Variants in HMX2 observed in about 807,000 individuals in gnomAD.
HMX2 encodes the protein homeobox protein HMX2.
Under a neutral mutation model 21.2 loss-of-function variants are expected in HMX2, and 15 were observed. The observed-to-expected ratio is 0.71, with a 90% CI of 0.47 to 1.09. The LOEUF (loss-of-function observed/expected upper bound fraction) is 1.09, where lower values mean the gene tolerates loss of function less well. Among genes scored for constraint, HMX2 ranks in the 50% least tolerant of loss-of-function variants. The pLI, the probability that HMX2 is intolerant of heterozygous loss-of-function variation, is 0.00. For missense variants in HMX2, 440 were observed against 381.5 expected (o/e 1.15, Z -1.28); for synonymous variants, 193 against 181.0 (o/e 1.07, Z -0.53).
Position 123,148,146 on chromosome 10 carries a change from C to T in HMX2, c.-233C>T, listed in dbSNP as rs540193259. 9.1e-6 allele frequency: 5 copies of T among 549,090 alleles called. No homozygotes were observed. In the South Asian group the frequency reaches 1.2e-4, roughly 13 times the overall value. The allele number at this position is 549,090 out of a possible 1,614,324, so 34.0% of individuals were successfully genotyped here. Reference sequence around the variant, plus strand: ...GCGGGCGAGGAAGGGGCATTTGCACCGGGGCTGGGCGGGCGCACCCAGAGC... The same window carrying T: ...GCGGGCGAGGAAGGGGCATTTGCACTGGGGCTGGGCGGGCGCACCCAGAGC... On this transcript the variant is annotated 5_prime_UTR_variant, in exon 1 of 2. Coordinates refer to ENST00000339992, the MANE Select transcript of HMX2 (RefSeq NM_005519.2).
At position 123,150,645 on chromosome 10, in the gene HMX2, G is replaced by T. The variant is rs200814632; in HGVS notation, c.*522G>T. The T allele has an allele frequency of 2.7e-5, 4 of 150,732 alleles. No individual in the cohort carries two copies. Among genetic ancestry groups the T allele is most frequent in the Non-Finnish European group, 4.4e-5 (3 of 67,710 alleles). 9.3% of individuals were successfully genotyped at this position (150,732 alleles called of 1,614,324 possible). ...TCAGATCTGTAAATATTTTTAAAAA[G>T]AAAAAAAAATAAAACATTTTAAACA... On this transcript the variant is annotated 3_prime_UTR_variant, in exon 2 of 2. Coordinates refer to ENST00000339992, the MANE Select transcript of HMX2 (RefSeq NM_005519.2). The surrounding 1 kb of genome is among the most constrained non-coding windows in gnomAD (Gnocchi z 4.2).
At position 123,148,489 on chromosome 10, in the gene HMX2, C is replaced by A. The variant is rs375117729; in HGVS notation, c.111C>A (p.Pro37=). 1.2e-6 allele frequency: 2 copies of A among 1,612,228 alleles called. No homozygotes were observed. Among genetic ancestry groups the A allele is most frequent in the Admixed American group, 3.3e-5 (2 of 59,858 alleles). ...GGGPSEAPRE[P]VGWPARKRSL... ...GCCCCTCGGAGGCACCGCGGGAGCC[C>A]GTCGGCTGGCCAGCCAGGAAGCGCA... is the stretch of plus-strand genomic sequence containing the variant. The change falls in exon 1 of 2, where the codon CCC becomes CCA. Residue 37 remains proline (P), a synonymous_variant. Transcript: ENST00000339992.
At chr10:123,148,775 G>T (rs1589683737) in intron 1 of HMX2, 129 bp downstream of exon 1, 3 of 1,190,622 alleles carry the variant, frequency 2.5e-6, no homozygotes, top group East Asian at 5.7e-5. Flanking sequence ...CGGGACCGCG[G>T]GGAGAGGGGC....
Position 123,149,806 on chromosome 10 carries a change from G to T in HMX2, c.505G>T (p.Asp169Tyr). The T allele has an allele frequency of 1.9e-6, 3 of 1,611,580 alleles. No homozygotes were observed. The highest frequency in any genetic ancestry group is 4.5e-5 in the East Asian group (2 of 44,782). The change falls in exon 2 of 2, where the codon GAC becomes TAC. Residue 169 changes from aspartate (D) to tyrosine (Y), a missense_variant. Asp to Tyr is a radical substitution (Grantham distance 160). Coordinates refer to ENST00000339992, the MANE Select transcript of HMX2 (RefSeq NM_005519.2). The surrounding 1 kb of genome is among the most constrained non-coding windows in gnomAD (Gnocchi z 5.4). ...SQVYQLESTF[D>Y]MKRYLSSSER... ...GGTGTACCAGCTCGAGTCCACCTTC[G>T]ACATGAAGCGCTACCTGAGCAGCTC...
At position 123,149,595 on chromosome 10, in the gene HMX2, G is replaced by A. The variant is rs771746221; in HGVS notation, c.294G>A (p.Ser98=). Reference sequence around the variant, plus strand: ...GTACCCCCAAGGGCAGCGGAGGCTCGGGCCCGGGCGGCTTGGAGCGCACGC... The same window carrying A: ...GTACCCCCAAGGGCAGCGGAGGCTCAGGCCCGGGCGGCTTGGAGCGCACGC... The part of the protein sequence containing the change: ...CLGTPKGSGG[S]GPGGLERTPF... Residue 98 remains serine (S), a synonymous_variant, in exon 2 of 2, where the codon TCG becomes TCA. Transcript: ENST00000339992. The surrounding 1 kb of genome is among the most constrained non-coding windows in gnomAD (Gnocchi z 5.4). 8.2e-6 allele frequency: 12 copies of A among 1,459,088 alleles called. No individual in the cohort carries two copies. In the Admixed American group the frequency reaches 2.2e-4, roughly 27 times the overall value. 90.4% of individuals were successfully genotyped at this position (1,459,088 alleles called of 1,614,324 possible).
chr10:123,148,416 C>A lies in HMX2; in HGVS notation c.38C>A (p.Ala13Glu), dbSNP rs765075323. 5 of 1,613,056 alleles carry A rather than the reference C, an allele frequency of 3.1e-6. No individual in the cohort carries two copies. The highest frequency in any genetic ancestry group is 1.7e-4 in the Middle Eastern group (1 of 6,054). The change falls in exon 1 of 2, where the codon GCG becomes GAG. Residue 13 changes from alanine (A) to glutamate (E), a missense_variant. Coordinates refer to ENST00000339992, the MANE Select transcript of HMX2 (RefSeq NM_005519.2). ...SKEDAGKGCP[A>E]AGGVSSFTIQ... is the part of the protein sequence containing the mutation. ...GAAGATGCGGGCAAGGGGTGTCCGG[C>A]GGCCGGTGGCGTCTCCAGCTTCACC...
At position 123,149,558 on chromosome 10, in the gene HMX2, C is replaced by T. The variant is rs1844244414; in HGVS notation, c.269-12C>T. The T allele has an allele frequency of 7.0e-7, 1 of 1,433,028 alleles. No individual in the cohort carries two copies. Among genetic ancestry groups the T allele is most frequent in the Non-Finnish European group, 9.1e-7 (1 of 1,094,584 alleles). 88.8% of individuals were successfully genotyped at this position (1,433,028 alleles called of 1,614,324 possible). On this transcript the variant is annotated splice_polypyrimidine_tract_variant and intron_variant, in intron 1 of 1. Coordinates refer to ENST00000339992, the MANE Select transcript of HMX2 (RefSeq NM_005519.2). This position sits in a 1 kb window ranked among gnomAD's most constrained non-coding sequence, Gnocchi z 5.4. Reference sequence around the variant, plus strand: ...CAACTCCATGGCCTTTCTGTCTGTTCTCGCTCCTCAGGTACCCCCAAGGGC... The same window carrying T: ...CAACTCCATGGCCTTTCTGTCTGTTTTCGCTCCTCAGGTACCCCCAAGGGC...
chr10:123,149,270 G>A lies in HMX2; in HGVS notation c.269-300G>A, dbSNP rs576335226. Among the ~76,000 whole-genome samples the A allele has an allele frequency of 1.5e-4, 23 of 152,236 alleles. No individual in the cohort carries two copies. Among genetic ancestry groups the A allele is most frequent in the Middle Eastern group, 3.4e-3 (1 of 294 alleles). On this transcript the variant is annotated intron_variant, in intron 1 of 1. Coordinates refer to ENST00000339992, the MANE Select transcript of HMX2 (RefSeq NM_005519.2). This position sits in a 1 kb window ranked among gnomAD's most constrained non-coding sequence, Gnocchi z 5.4. ...AGCTCAATTACCACCAAGCAAATTC[G>A]CCTTTTAAAACCATGCTAATGTTTC...
Position 123,148,179 on chromosome 10 carries a change from G to A in HMX2, c.-200G>A, listed in dbSNP as rs1053501648. ...GGCGGGCGCACCCAGAGCCAGGCGGGCAGGAACCCCTGCGCAGCCATCCGG... is the reference window on the plus strand; with the variant it reads ...GGCGGGCGCACCCAGAGCCAGGCGGACAGGAACCCCTGCGCAGCCATCCGG... On this transcript the variant is annotated 5_prime_UTR_variant, in exon 1 of 2. Transcript: ENST00000339992. 2 of 588,394 alleles carry A rather than the reference G, an allele frequency of 3.4e-6. No homozygotes were observed. The highest frequency in any genetic ancestry group is 5.8e-6 in the Non-Finnish European group (2 of 342,654). 36.4% of individuals were successfully genotyped at this position (588,394 alleles called of 1,614,324 possible).
intron 1 of HMX2, 31 bp downstream of exon 1, chr10:123,148,677 G>C: frequency 1.3e-6 from 2 of 1,588,054 alleles, no homozygotes; most frequent in Non-Finnish European, 1.7e-6. Flanking sequence ...GTGTGGCAGC[G>C]AGCGAGCGCG....
chr10:123,148,347 C>A lies in HMX2; in HGVS notation c.-32C>A, dbSNP rs752125166. 1.8e-5 allele frequency: 28 copies of A among 1,592,630 alleles called. No individual in the cohort carries two copies. Among genetic ancestry groups the A allele is most frequent in the Non-Finnish European group, 2.4e-5 (28 of 1,167,790 alleles). On this transcript the variant is annotated 5_prime_UTR_variant, in exon 1 of 2. Transcript: ENST00000339992. ...ACCCAGATCGTCTCTAAAGGGAGTT[C>A]TTGGTTTCCTTCGATTTCTTATGAA... is the stretch of plus-strand genomic sequence containing the variant.
In HMX2 at chr10:123,148,205, T is replaced by C. The variant is rs1241361718; in HGVS notation, c.-174T>C. Reference sequence around the variant, plus strand: ...CAGGAACCCCTGCGCAGCCATCCGGTGCCTGCATGTCCCTGGCGCGGAAGG... The same window carrying C: ...CAGGAACCCCTGCGCAGCCATCCGGCGCCTGCATGTCCCTGGCGCGGAAGG... On this transcript the variant is annotated 5_prime_UTR_variant, in exon 1 of 2. Coordinates refer to ENST00000339992, the MANE Select transcript of HMX2 (RefSeq NM_005519.2). The C allele has an allele frequency of 1.5e-6, 1 of 672,344 alleles. No individual in the cohort carries two copies. The highest frequency in any genetic ancestry group is 2.5e-6 in the Non-Finnish European group (1 of 400,046). The allele number at this position is 672,344 out of a possible 1,614,324, so 41.6% of individuals were successfully genotyped here. A position where few individuals can be genotyped will look rare whatever the true frequency, so the allele number is the denominator to read the frequency against.
chr10:123,149,498 C>A lies in HMX2; in HGVS notation c.269-72C>A. ...GCAGGCGCTTGCCAACCGCTTGGTC[C>A]CAGGGAGAGCTGGCGGTCTCCGAGG... On this transcript the variant is annotated intron_variant, in intron 1 of 1. Transcript: ENST00000339992. The surrounding 1 kb of genome is among the most constrained non-coding windows in gnomAD (Gnocchi z 5.4). 7.6e-7 allele frequency: 1 copy of A among 1,319,182 alleles called. No homozygotes were observed. Among genetic ancestry groups the A allele is most frequent in the Non-Finnish European group, 1.0e-6 (1 of 1,004,584 alleles). The allele number at this position is 1,319,182 out of a possible 1,614,324, so 81.7% of individuals were successfully genotyped here.
Position 123,148,447 on chromosome 10 carries a change from G to A in HMX2, c.69G>A (p.Gln23=). 2 of 1,613,486 alleles carry A rather than the reference G, an allele frequency of 1.2e-6. No individual in the cohort carries two copies. The highest frequency in any genetic ancestry group is 2.7e-5 in the African/African-American group (2 of 75,004). The change falls in exon 1 of 2, where the codon CAG becomes CAA. Residue 23 remains glutamine, a synonymous_variant. Transcript: ENST00000339992. ...AAGGVSSFTI[Q]SILGGGPSEA... Reference sequence around the variant, plus strand: ...GTGGCGTCTCCAGCTTCACCATCCAGTCCATCCTGGGCGGGGGCCCCTCGG... The same window carrying A: ...GTGGCGTCTCCAGCTTCACCATCCAATCCATCCTGGGCGGGGGCCCCTCGG...
Position 123,149,955 on chromosome 10 carries a change from G to A in HMX2, c.654G>A (p.Ala218=), listed in dbSNP as rs1434855098. 6.2e-7 allele frequency: 1 copy of A among 1,611,836 alleles called. No individual in the cohort carries two copies. Residue 218 remains alanine (A), a synonymous_variant, in exon 2 of 2, where the codon GCG becomes GCA. Transcript: ENST00000339992. This position sits in a 1 kb window ranked among gnomAD's most constrained non-coding sequence, Gnocchi z 5.4. ...CTGAGCTGGAGGCGGCCAACATGGC[G>A]CACGCGTCGGCGCAGACTCTGGTGA... ...LSAELEAANM[A]HASAQTLVSM...
Position 123,149,558 on chromosome 10 carries a change from C to A in HMX2, c.269-12C>A. 2.8e-6 allele frequency: 4 copies of A among 1,433,028 alleles called. No homozygotes were observed. The highest frequency in any genetic ancestry group is 1.5e-5 in the African/African-American group (1 of 67,012). 88.8% of individuals were successfully genotyped at this position (1,433,028 alleles called of 1,614,324 possible). A position where few individuals can be genotyped will look rare whatever the true frequency, so the allele number is the denominator to read the frequency against. ...CAACTCCATGGCCTTTCTGTCTGTT[C>A]TCGCTCCTCAGGTACCCCCAAGGGC... On this transcript the variant is annotated splice_polypyrimidine_tract_variant and intron_variant, in intron 1 of 1. Transcript: ENST00000339992. The surrounding 1 kb of genome is among the most constrained non-coding windows in gnomAD (Gnocchi z 5.4).
rs768662442 is a variant in HMX2 at position 123,150,053 on chromosome 10, C to T, written c.752C>T (p.Pro251Leu). The T allele has an allele frequency of 1.2e-6, 2 of 1,602,882 alleles. No individual in the cohort carries two copies. The highest frequency in any genetic ancestry group is 2.2e-5 in the East Asian group (1 of 44,518). Residue 251 changes from proline to leucine, a missense_variant, in exon 2 of 2, where the codon CCG becomes CTG. Coordinates refer to ENST00000339992, the MANE Select transcript of HMX2 (RefSeq NM_005519.2). This position sits in a 1 kb window ranked among gnomAD's most constrained non-coding sequence, Gnocchi z 4.2. ...PVPRSLAFPAPLYYPGSNLSA... is the reference protein window; with the variant it reads ...PVPRSLAFPALLYYPGSNLSA... ...CCGCGCTCGCTCGCCTTTCCCGCGC[C>T]GCTCTACTACCCGGGAAGCAACCTC... is the stretch of plus-strand genomic sequence containing the variant.
In HMX2 at chr10:123,149,717, G is replaced by T; in HGVS notation, c.416G>T (p.Gly139Val). The change falls in exon 2 of 2, where the codon GGC (glycine) becomes GTC (valine). Residue 139 changes from glycine to valine, a missense_variant. Physicochemically the swap from Gly to Val is moderately radical, Grantham distance 109. Coordinates refer to ENST00000339992, the MANE Select transcript of HMX2 (RefSeq NM_005519.2). The surrounding 1 kb of genome is among the most constrained non-coding windows in gnomAD (Gnocchi z 5.4). ...PSPGSERPRDGGAERQAGAAK... is the reference protein window; with the variant it reads ...PSPGSERPRDVGAERQAGAAK... ...CCGGGGTCCGAGCGGCCGCGGGACGGCGGCGCTGAGCGGCAGGCCGGCGCG... is the reference window on the plus strand; with the variant it reads ...CCGGGGTCCGAGCGGCCGCGGGACGTCGGCGCTGAGCGGCAGGCCGGCGCG... The T allele has an allele frequency of 1.3e-6, 2 of 1,542,636 alleles. No individual in the cohort carries two copies. Among genetic ancestry groups the T allele is most frequent in the Non-Finnish European group, 1.7e-6 (2 of 1,149,944 alleles).
rs1412431469 is a variant in HMX2 at position 123,149,223 on chromosome 10, A to G, written c.269-347A>G. 1.3e-5 allele frequency among the ~76,000 whole-genome samples: 2 copies of G among 152,282 alleles called. No individual in the cohort carries two copies. The highest frequency in any genetic ancestry group is 2.9e-5 in the Non-Finnish European group (2 of 68,014). On this transcript the variant is annotated intron_variant, in intron 1 of 1. Transcript: ENST00000339992. This position sits in a 1 kb window ranked among gnomAD's most constrained non-coding sequence, Gnocchi z 5.4. The stretch of plus-strand genomic sequence containing the variant: ...ACGGCCTGTGAAATGATGCCACCCT[A>G]TAAAGCTCGAGGAACTCTTCCAGCT...
Sources: allele counts gnomAD v4.1 joint callset (sites outside exome capture counted in the v4.1 genomes callset), GRCh38; gene constraint gnomAD v4.1.1; non-coding constraint Gnocchi (gnomAD v3.1); transcripts MANE v1.5; gene names NCBI Gene and HGNC (gene_info 2026-07-23, HGNC 2026-07-21).